Variants in MYO6 observed in about 807,000 individuals in gnomAD.
The protein encoded by MYO6 is myosin VI.
Under a neutral mutation model 178.7 loss-of-function variants are expected in MYO6, and 74 were observed. The observed-to-expected ratio is 0.41, with a 90% confidence interval of 0.34 to 0.50. The LOEUF (loss-of-function observed/expected upper bound fraction) is 0.50. Ranked by LOEUF, MYO6 falls within the 20% of genes least tolerant of loss-of-function variation. The pLI, the probability that MYO6 is intolerant of heterozygous loss-of-function variation, is 0.09. For missense variants in MYO6, 1,330 were observed against 1,547.4 expected (o/e 0.86, Z 2.36); for synonymous variants, 477 against 504.6 (o/e 0.95, Z 0.73).
At chr6:75,804,113 T>A (rs941992407) in intron 1 of MYO6, among the ~76,000 whole-genome samples, 3 of 152,238 alleles carry the variant, frequency 2.0e-5, no homozygotes, top group Non-Finnish European at 4.4e-5. Context: ...AGAGTGGCTT[T>A]GAACTCTTGG....
intron 1 of MYO6, among the ~76,000 whole-genome samples, chr6:75,771,756 A>G (rs573514781): frequency 1.3e-5 from 2 of 152,308 alleles, no homozygotes; most frequent in South Asian, 4.1e-4. Context: ...AGCTTAAACC[A>G]TTAAGTCCCA....
At chr6:75,904,359 G>A (rs957981094) in intron 30 of MYO6, among the ~76,000 whole-genome samples, 1 of 151,592 alleles carries the variant, frequency 6.6e-6, no homozygotes, top group Non-Finnish European at 1.5e-5. Context: ...TCACTTTCAG[G>A]TACACCAGTC....
chr6:75,783,638 G>A (rs1767218931), intron 1 of MYO6, among the ~76,000 whole-genome samples: 1 of 151,632 alleles, frequency 6.6e-6, no homozygotes, highest in Admixed American at 6.6e-5. Flanking sequence ...AGGGCCTCGG[G>A]CTGTGTCTAA....
chr6:75,765,338 G>A (rs1020419229), intron 1 of MYO6, among the ~76,000 whole-genome samples: 4 of 151,362 alleles, frequency 2.6e-5, no homozygotes, highest in African/African-American at 7.3e-5. Flanking sequence ...TACCACGCCT[G>A]GCTAATTTTT....
At chr6:75,834,786 TGAA>T (rs1773478759) in intron 6 of MYO6, among the ~76,000 whole-genome samples, 1 of 152,162 alleles carries the variant, frequency 6.6e-6, no homozygotes, top group South Asian at 2.1e-4. Context: ...TAAAATCAAT[TGAA>T]GAGTTTGTTA....
intron 11 of MYO6, 51 bp downstream of exon 11, chr6:75,848,582 A>G: frequency 6.4e-7 from 1 of 1,566,078 alleles, no homozygotes; most frequent in Non-Finnish European, 8.7e-7. Flanking sequence ...AATTTCTGTT[A>G]TTTATTTGTC....
chr6:75,852,266 C>T (rs75870539), intron 11 of MYO6, among the ~76,000 whole-genome samples: 38 of 151,976 alleles, frequency 2.5e-4, no homozygotes, highest in African/African-American at 9.2e-4. Flanking sequence ...AGAACCTACA[C>T]GAGTAATAAG....
chr6:75,781,616 G>A (rs1290168753), intron 1 of MYO6, among the ~76,000 whole-genome samples: 1 of 152,052 alleles, frequency 6.6e-6, no homozygotes, highest in Non-Finnish European at 1.5e-5. Context: ...AACTGTTTCT[G>A]TTCAAGATAA....
intron 28 of MYO6, chr6:75,894,863 G>A: frequency 1.4e-6 from 2 of 1,415,984 alleles, no homozygotes; most frequent in Non-Finnish European, 1.9e-6. Context: ...TTCTATGTAT[G>A]TCATATGTTC....
At chr6:75,831,377 A>T (rs1166125859) in intron 5 of MYO6, among the ~76,000 whole-genome samples, 1 of 152,216 alleles carries the variant, frequency 6.6e-6, no homozygotes, top group Non-Finnish European at 1.5e-5. Context: ...GGTAGAGTGA[A>T]TATGGCTGAC....
intron 1 of MYO6, among the ~76,000 whole-genome samples, chr6:75,755,739 T>G (rs1305390183): frequency 2.0e-5 from 3 of 152,236 alleles, no homozygotes; most frequent in Non-Finnish European, 4.4e-5. Context: ...TTCATTTATT[T>G]AAAACGTACT....
At chr6:75,905,280 T>G (rs6921523) in intron 30 of MYO6, among the ~76,000 whole-genome samples, 4 of 152,086 alleles carry the variant, frequency 2.6e-5, no homozygotes, top group African/African-American at 9.7e-5. Flanking sequence ...GCTTTGTTTA[T>G]CTAAGCAAGC....
chr6:75,779,648 C>A (rs1020173976), intron 1 of MYO6, among the ~76,000 whole-genome samples: 1 of 151,992 alleles, frequency 6.6e-6, no homozygotes, highest in African/African-American at 2.4e-5. Flanking sequence ...ATATTGTGTT[C>A]ATTAACCTTA....
chr6:75,826,175 G>A (rs1772449073), intron 3 of MYO6, among the ~76,000 whole-genome samples: 1 of 152,128 alleles, frequency 6.6e-6, no homozygotes, highest in Non-Finnish European at 1.5e-5. Flanking sequence ...TTGGGACTTA[G>A]CATTTCACAT....
At chr6:75,868,613 T>A (rs1562266345) in intron 18 of MYO6, among the ~76,000 whole-genome samples, 2 of 152,116 alleles carry the variant, frequency 1.3e-5, no homozygotes, top group Non-Finnish European at 2.9e-5. Flanking sequence ...ATGATACTAA[T>A]AATAAAATAT....
chr6:75,865,658 C>T (rs534937102), intron 16 of MYO6, among the ~76,000 whole-genome samples: 2 of 152,202 alleles, frequency 1.3e-5, no homozygotes, highest in South Asian at 4.2e-4. Flanking sequence ...TGCCACCACA[C>T]CTAGCCCAAC....
At chr6:75,898,054 A>T (rs919916390) in intron 29 of MYO6, among the ~76,000 whole-genome samples, 6 of 152,340 alleles carry the variant, frequency 3.9e-5, no homozygotes, top group African/African-American at 1.4e-4. Flanking sequence ...AGTTTCCTGT[A>T]TGGATTTAGA....
intron 18 of MYO6, among the ~76,000 whole-genome samples, 178 bp from the exon 19 acceptor site, chr6:75,870,469 T>C (rs1318303861): frequency 6.6e-6 from 1 of 152,250 alleles, no homozygotes; most frequent in Non-Finnish European, 1.5e-5. Flanking sequence ...ACATTAGCCA[T>C]TTTGCATGAT....
At chr6:75,799,393 A>G (rs2150111946) in intron 1 of MYO6, among the ~76,000 whole-genome samples, 1 of 151,702 alleles carries the variant, frequency 6.6e-6, no homozygotes, top group East Asian at 1.9e-4. Flanking sequence ...TCTGTCTAAA[A>G]AAAAAAAAAA....
Sources: gnomAD v4.1 joint callset for allele counts (sites outside exome capture counted in the v4.1 genomes callset) on GRCh38, gnomAD v4.1.1 for gene constraint, MANE v1.5 for transcripts, NCBI Gene and HGNC (gene_info 2026-07-23, HGNC 2026-07-21) for gene names.